PLCD1: variants seen among roughly 807,000 people sequenced by gnomAD.
PLCD1 encodes phospholipase C delta 1, also known as 1-phosphatidylinositol 4,5-bisphosphate phosphodiesterase delta-1.
Under a neutral mutation model 87.4 loss-of-function variants are expected in PLCD1, and 71 were observed. That is an observed-to-expected ratio of 0.81 (90% CI 0.67 to 0.99). The LOEUF (loss-of-function observed/expected upper bound fraction) is 0.99. Among genes scored for constraint, PLCD1 ranks in the 50% least tolerant of loss-of-function variants. The pLI, the probability that PLCD1 is intolerant of heterozygous loss-of-function variation, is 0.00. For synonymous variants in PLCD1, 348 were observed against 399.2 expected (o/e 0.87, Z 1.53); for missense variants, 867 against 1,001.5 (o/e 0.87, Z 1.81).
rs1388435858 is a variant in PLCD1, at chr3:38,007,783, A to T, written c.2261T>A (p.Leu754His). 1 of 1,613,710 alleles carries T rather than the reference A, an allele frequency of 6.2e-7. No individual in the cohort carries two copies. The highest frequency in any genetic ancestry group is 1.1e-5 in the South Asian group (1 of 91,078). Residue 754 changes from leucine to histidine, a missense_variant, in exon 15 of 15, where the codon CTC becomes CAC. By Grantham distance (99) the Leu-to-His change is moderately conservative. Coordinates refer to ENST00000334661, the MANE Select transcript of PLCD1 (RefSeq NM_006225.4). ...PSATLFVKISLQD is the reference protein window; with the variant it reads ...PSATLFVKISHQD ...CTGGCTTCCTCCAGCCTAGTCCTGG[A>T]GGGAGATCTTCACAAAGAGGGTGGC...
Position 38,011,330 on chromosome 3 carries a change from CCT to C in PLCD1, c.672_673del (p.Glu226AspfsTer30). On this transcript the variant is annotated frameshift_variant, in exon 5 of 15. Transcript: ENST00000334661. LOFTEE classifies it high-confidence loss of function. ...TAACTGATCCACCGACAGAGTCTCC[CCT>C]GAGCCCGCGGCCTCGGCGAAGGTGC... is the stretch of plus-strand genomic sequence containing the variant. 1 of 1,612,442 alleles carries C rather than the reference CCT, an allele frequency of 6.2e-7. No individual in the cohort carries two copies. The highest frequency in any genetic ancestry group is 8.5e-7 in the Non-Finnish European group (1 of 1,180,042).
At chr3:38,012,066 C>T (rs1460308142) in intron 3 of PLCD1, among the ~76,000 whole-genome samples, 5 of 139,400 alleles carry the variant, frequency 3.6e-5, no homozygotes, top group South Asian at 2.2e-4. Flanking sequence ...CTCACTCTGT[C>T]GCCCAGATTA....
chr3:38,015,248 T>C (rs1700137363), intron 3 of PLCD1, among the ~76,000 whole-genome samples: 1 of 152,216 alleles, frequency 6.6e-6, no homozygotes, highest in Admixed American at 6.5e-5. Context: ...AGCATATTAC[T>C]AGACAATTGG....
intron 1 of PLCD1, among the ~76,000 whole-genome samples, chr3:38,023,358 C>T (rs1049241824): frequency 6.6e-6 from 1 of 152,178 alleles, no homozygotes; most frequent in African/African-American, 2.4e-5. Context: ...CTTAGTCATG[C>T]ATAGCCACAC....
At position 38,007,743 on chromosome 3, in the gene PLCD1, T is replaced by C. The variant is rs771257270; in HGVS notation, c.*30A>G. On this transcript the variant is annotated 3_prime_UTR_variant, in exon 15 of 15. Coordinates refer to ENST00000334661, the MANE Select transcript of PLCD1 (RefSeq NM_006225.4). ...CATGTGGACAGAGGGCCCAGCCCAC[T>C]CAGGGGGGACCCCACTGGCTTCCTC... is the stretch of plus-strand genomic sequence containing the variant. 1.9e-6 allele frequency: 3 copies of C among 1,552,080 alleles called. No homozygotes were observed. The South Asian group carries it at 3.3e-5, about 17-fold the overall frequency.
rs1700052060 is a variant in PLCD1 at position 38,010,362 on chromosome 3, G to A, written c.991C>T (p.Arg331Trp). The A allele has an allele frequency of 1.9e-6, 3 of 1,614,164 alleles. No individual in the cohort carries two copies. Among genetic ancestry groups the A allele is most frequent in the South Asian group, 1.1e-5 (1 of 91,076 alleles). Residue 331 changes from arginine to tryptophan, a missense_variant and splice_region_variant, in exon 6 of 15, where the codon CGG (arginine) becomes TGG (tryptophan). By Grantham distance (101) the Arg-to-Trp change is moderately radical. Transcript: ENST00000334661. ...GACCCAAGGCTCCCTGAGCAGCACCGGATGTAGGCTTCAGTGCTGCTGGGC... is the reference window on the plus strand; with the variant it reads ...GACCCAAGGCTCCCTGAGCAGCACCAGATGTAGGCTTCAGTGCTGCTGGGC... ...AGPSSTEAYIRALCKGCRCLE... is the reference protein window; with the variant it reads ...AGPSSTEAYIWALCKGCRCLE...
chr3:38,013,309 A>T (rs1166982960), intron 3 of PLCD1, among the ~76,000 whole-genome samples: 1 of 145,334 alleles, frequency 6.9e-6, no homozygotes, highest in Non-Finnish European at 1.5e-5. Context: ...GCCTCCCGGG[A>T]TCACGCCATT....
chr3:38,018,062 T>C lies in PLCD1; in HGVS notation c.200-1343A>G, dbSNP rs1700183447. Among the ~76,000 whole-genome samples the C allele has an allele frequency of 6.6e-6, 1 of 152,130 alleles. No homozygotes were observed. The highest frequency in any genetic ancestry group is 1.5e-5 in the Non-Finnish European group (1 of 68,020). On this transcript the variant is annotated intron_variant, in intron 2 of 14. Transcript: ENST00000334661. This position sits in a 1 kb window ranked among gnomAD's most constrained non-coding sequence, Gnocchi z 5.7. ...ATGCCTTCACTGCTGATAACACCTT[T>C]GGCCTCTGGGAACCAGAGTCATGGG...
At chr3:38,013,357 C>T (rs1056231390) in intron 3 of PLCD1, among the ~76,000 whole-genome samples, 15 of 151,978 alleles carry the variant, frequency 9.9e-5, no homozygotes, top group Admixed American at 4.6e-4. Context: ...GGACTACAGG[C>T]GCCCACCACC....
chr3:38,024,109 G>C, intron 1 of PLCD1: 1 of 531,728 alleles, frequency 1.9e-6, no homozygotes. Context: ...CGTTGGAAGG[G>C]CTGAGTTAAA....
chr3:38,020,118 C>A, intron 2 of PLCD1, 70 bp downstream of exon 2: 1 of 1,387,080 alleles, frequency 7.2e-7, no homozygotes, highest in South Asian at 1.2e-5. Flanking sequence ...CCATGACTGA[C>A]CTTTGTATTT....
intron 6 of PLCD1, 36 bp from the exon 7 acceptor site, chr3:38,010,311 C>A: frequency 6.2e-7 from 1 of 1,614,182 alleles, no homozygotes; most frequent in South Asian, 1.1e-5. Context: ...CCTCCAGGTC[C>A]TGTCCCGGGT....
intron 11 of PLCD1, 119 bp from the exon 12 acceptor site, chr3:38,008,755 C>A: frequency 1.1e-6 from 1 of 888,744 alleles, no homozygotes; most frequent in South Asian, 1.4e-5. Context: ...CCCAGCATCA[C>A]TCCAATGCCT....
Position 38,011,278 on chromosome 3 carries a change from C to G in PLCD1, c.726G>C (p.Arg242=). ...CCAGCGCAGGCCCTGCCGCCTCCTC[C>G]CGCTGCTGGTGCTGCAGGAACGTCA... ...QLVTFLQHQQ[R]EEAAGPALAL... Residue 242 remains arginine, a synonymous_variant, in exon 5 of 15, where the codon CGG becomes CGC. Transcript: ENST00000334661. 6.2e-7 allele frequency: 1 copy of G among 1,611,898 alleles called. No individual in the cohort carries two copies. The highest frequency in any genetic ancestry group is 8.5e-7 in the Non-Finnish European group (1 of 1,180,030).
intron 1 of PLCD1, 44 bp downstream of exon 1, chr3:38,029,462 T>G: frequency 3.9e-6 from 6 of 1,520,316 alleles, no homozygotes; most frequent in Non-Finnish European, 5.3e-6. Flanking sequence ...TTTCCAGGGG[T>G]CCACCCCTGC....
chr3:38,011,180 G>T (rs547800973), intron 5 of PLCD1, 34 bp downstream of exon 5: 2 of 1,521,306 alleles, frequency 1.3e-6, no homozygotes, highest in South Asian at 2.2e-5. Flanking sequence ...GCGGCCCTGC[G>T]ACTGCAGGTA....
intron 1 of PLCD1, among the ~76,000 whole-genome samples, chr3:38,029,214 A>AGGAC (rs2125553508): frequency 6.6e-6 from 1 of 152,346 alleles, no homozygotes; most frequent in South Asian, 2.1e-4. Flanking sequence ...TTTCATGACC[A>AGGAC]GGACAAGGGG....
intron 2 of PLCD1, among the ~76,000 whole-genome samples, chr3:38,016,963 G>A (rs996377797): frequency 2.8e-4 from 43 of 152,090 alleles, no homozygotes; most frequent in Non-Finnish European, 1.0e-4. Flanking sequence ...GTCATTGCAG[G>A]CACAGTGGAG....
At chr3:38,012,031 C>CTTTT (rs763245915) in intron 3 of PLCD1, among the ~76,000 whole-genome samples, 23,465 of 137,300 alleles carry the variant, frequency 0.17, 2,456 homozygotes, top group African/African-American at 0.28. Context: ...TTTTCCTTTT[C>CTTTT]TTTTTTTTTT....
Sources: gnomAD v4.1 joint callset for allele counts (sites outside exome capture counted in the v4.1 genomes callset) on GRCh38, gnomAD v4.1.1 for gene constraint, Gnocchi (gnomAD v3.1) non-coding constraint, MANE v1.5 for transcripts, NCBI Gene and HGNC (gene_info 2026-07-23, HGNC 2026-07-21) for gene names.